HHATL: variants seen among roughly 807,000 people sequenced by gnomAD.
HHATL encodes the protein hedgehog acyltransferase like.
A neutral mutation model predicts 59.7 loss-of-function variants in HHATL; 49 were observed. That is an observed-to-expected ratio of 0.82 (90% CI 0.65 to 1.04). The LOEUF is 1.04. HHATL is among the 50% of genes least tolerant of loss of function. The pLI is 0.00. For missense variants in HHATL, 605 were observed against 650.8 expected, an observed-to-expected ratio of 0.93 and a Z score of 0.77; for synonymous variants, 238 against 257.3, an observed-to-expected ratio of 0.93 and a Z score of 0.72.
intron 9 of HHATL, among the ~76,000 whole-genome samples, chr3:42,696,105 C>T (rs1465394522): frequency 6.6e-6 from 1 of 152,182 alleles, no homozygotes; most frequent in East Asian, 1.9e-4. Context: ...CAGCACTAAT[C>T]CTCGGTCTCC....
intron 11 of HHATL, 78 bp downstream of exon 11, chr3:42,692,999 T>C (rs1697418849): frequency 3.8e-6 from 6 of 1,594,638 alleles, no homozygotes; most frequent in East Asian, 2.2e-5. Flanking sequence ...ATGAGGGAGA[T>C]AGGAGGCATT....
intron 9 of HHATL, among the ~76,000 whole-genome samples, chr3:42,696,639 A>G (rs1466555731): frequency 6.6e-6 from 1 of 151,822 alleles, no homozygotes; most frequent in Non-Finnish European, 1.5e-5. Context: ...CCCTCCTCCC[A>G]CCACCTCTCT....
chr3:42,702,259 T>C (rs57373619), intron 1 of HHATL, among the ~76,000 whole-genome samples: 1,754 of 152,282 alleles, frequency 0.012, 37 homozygotes, highest in African/African-American at 0.04. Context: ...AACCGGAGCA[T>C]GGTGAAGAGC....
intron 2 of HHATL, 102 bp downstream of exon 2, chr3:42,700,619 C>A: frequency 1.4e-6 from 1 of 697,880 alleles, no homozygotes; most frequent in Non-Finnish European, 2.5e-6. Context: ...GAAGGAGTAC[C>A]CTAGGTCTGG....
rs1214210937 is a variant in HHATL, at chr3:42,701,576, G to A, written c.-13-737C>T. 6.8e-6 allele frequency: 1 copy of A among 146,874 alleles called. No individual in the cohort carries two copies. Among genetic ancestry groups the A allele is most frequent in the African/African-American group, 2.5e-5 (1 of 39,980 alleles). The allele number at this position is 146,874 out of a possible 1,614,324, so 9.1% of individuals were successfully genotyped here. A position where few individuals can be genotyped will look rare whatever the true frequency, so the allele number is the denominator to read the frequency against. ...GGAGGTGCCCAGGAGTAGCGGATGT[G>A]GGGCCAGGCGGGGCCAGGCGGGGCC... On this transcript the variant is annotated intron_variant, in intron 1 of 11. Coordinates refer to ENST00000441594, the MANE Select transcript of HHATL (RefSeq NM_020707.4). The surrounding 1 kb of genome is among the most constrained non-coding windows in gnomAD (Gnocchi z 5.1).
In HHATL at chr3:42,701,126, T is replaced by C; in HGVS notation, c.-13-287A>G. On this transcript the variant is annotated intron_variant, in intron 1 of 11. Coordinates refer to ENST00000441594, the MANE Select transcript of HHATL (RefSeq NM_020707.4). This position sits in a 1 kb window ranked among gnomAD's most constrained non-coding sequence, Gnocchi z 5.1. ...GCCTCCCTCACCTTCATTTACATCT[T>C]CATACCTTCCAGAGGCACCGGCCCC... is the stretch of plus-strand genomic sequence containing the variant. 2.5e-6 allele frequency: 1 copy of C among 396,732 alleles called. No individual in the cohort carries two copies. Among genetic ancestry groups the C allele is most frequent in the Non-Finnish European group, 4.6e-6 (1 of 215,484 alleles). 24.6% of individuals were successfully genotyped at this position (396,732 alleles called of 1,614,324 possible).
chr3:42,702,410 C>A (rs1321948561), intron 1 of HHATL, among the ~76,000 whole-genome samples, 169 bp downstream of exon 1: 1 of 152,254 alleles, frequency 6.6e-6, no homozygotes, highest in African/African-American at 2.4e-5. Context: ...ACCCCCAGAC[C>A]AGGGCTGGCC....
chr3:42,698,230 T>G lies in HHATL; in HGVS notation c.605A>C (p.Tyr202Ser). 1.2e-6 allele frequency: 2 copies of G among 1,613,788 alleles called. No homozygotes were observed. Among genetic ancestry groups the G allele is most frequent in the Middle Eastern group, 1.7e-4 (1 of 6,060 alleles). Residue 202 changes from tyrosine (Y) to serine (S), a missense_variant, in exon 6 of 12, where the codon TAC becomes TCC. Transcript: ENST00000441594. ...GTACTTGAGCAGGTCAGCTAAGGAG[T>G]AGTGGCGGTCAGGGTGGGCACAGCT... is the stretch of plus-strand genomic sequence containing the variant. ...LESCAHPDRH[Y>S]SLADLLKYNF... is the part of the protein sequence containing the mutation.
chr3:42,699,131 G>A lies in HHATL; in HGVS notation c.189C>T (p.Phe63=), dbSNP rs373193288. 1.1e-5 allele frequency: 17 copies of A among 1,613,770 alleles called. No individual in the cohort carries two copies. Among genetic ancestry groups the A allele is most frequent in the Admixed American group, 1.7e-5 (1 of 59,996 alleles). Residue 63 remains phenylalanine (F), a synonymous_variant, in exon 4 of 12, where the codon TTC becomes TTT. Transcript: ENST00000441594. ...YIGRKMDVAD[F]EWVMWFTSFR... ...AGGAGGTGAACCACATCACCCACTCGAAGTCAGCCACATCCTGGGGCAGTC... is the reference window on the plus strand; with the variant it reads ...AGGAGGTGAACCACATCACCCACTCAAAGTCAGCCACATCCTGGGGCAGTC...
At chr3:42,698,006 G>C in intron 6 of HHATL, 136 bp downstream of exon 6, 1 of 938,868 alleles carries the variant, frequency 1.1e-6, no homozygotes, top group Middle Eastern at 3.1e-4. Flanking sequence ...GGAGGGAGGG[G>C]AGACACGGCT....
chr3:42,699,295 T>C (rs1438830376), intron 3 of HHATL, 150 bp from the exon 4 acceptor site: 4 of 430,094 alleles, frequency 9.3e-6, no homozygotes, highest in South Asian at 1.5e-4. Flanking sequence ...TTAATAATAA[T>C]AATTATTTTT....
intron 1 of HHATL, 154 bp from the exon 2 acceptor site, chr3:42,700,993 C>T (rs1247588726): frequency 1.2e-5 from 7 of 603,816 alleles, no homozygotes; most frequent in Non-Finnish European, 2.1e-5. Flanking sequence ...GCCCCTGTGC[C>T]CCCCACAGTT....
At chr3:42,693,963 C>G (rs983740986) in intron 9 of HHATL, 145 bp from the exon 10 acceptor site, 16 of 649,956 alleles carry the variant, frequency 2.5e-5, no homozygotes, top group Middle Eastern at 8.4e-4. Context: ...AGCTCCTCCT[C>G]CAACCAACTT....
At position 42,697,593 on chromosome 3, in the gene HHATL, G is replaced by A. The variant is rs776383535; in HGVS notation, c.780C>T (p.Ala260=). The A allele has an allele frequency of 1.2e-5, 20 of 1,614,184 alleles. No individual in the cohort carries two copies. In the Admixed American group the frequency reaches 1.8e-4, roughly 15 times the overall value. The part of the protein sequence containing the change: ...QAGLSVVAIM[A]VDIFFHFFYI... ...AGAAGAAGTGAAAGAAGATGTCGAC[G>A]GCCATGATGGCCACCACGCTTAGGC... Residue 260 remains alanine, a synonymous_variant, in exon 7 of 12, where the codon GCC becomes GCT. Coordinates refer to ENST00000441594, the MANE Select transcript of HHATL (RefSeq NM_020707.4).
intron 3 of HHATL, 61 bp from the exon 4 acceptor site, chr3:42,699,206 A>G (rs1697820043): frequency 1.7e-6 from 2 of 1,179,540 alleles, no homozygotes; most frequent in Non-Finnish European, 2.5e-6. Flanking sequence ...GGACAGGACG[A>G]GCTGGAACCT....
chr3:42,696,771 C>A, intron 9 of HHATL, 71 bp downstream of exon 9: 1 of 1,526,194 alleles, frequency 6.6e-7, no homozygotes, highest in Non-Finnish European at 9.0e-7. Flanking sequence ...AAATGTGGAC[C>A]CATCTTGGCA....
chr3:42,697,470 G>C (rs1697681188), intron 7 of HHATL, 38 bp downstream of exon 7: 1 of 1,591,896 alleles, frequency 6.3e-7, no homozygotes, highest in South Asian at 1.1e-5. Context: ...TTTTCCTGGG[G>C]CGGCAGCCCT....
chr3:42,697,564 A>G lies in HHATL; in HGVS notation c.809T>C (p.Ile270Thr). ...AVDIFFHFFYILTIPSDLKFA... is the reference protein window; with the variant it reads ...AVDIFFHFFYTLTIPSDLKFA... ...CTTGAGGTCGCTGGGGATAGTGAGG[A>G]TGTAGAAGAAGTGAAAGAAGATGTC... The change falls in exon 7 of 12, where the codon ATC (isoleucine) becomes ACC (threonine). Residue 270 changes from isoleucine (I) to threonine (T), a missense_variant. Physicochemically the swap from Ile to Thr is moderately conservative, Grantham distance 89. Coordinates refer to ENST00000441594, the MANE Select transcript of HHATL (RefSeq NM_020707.4). 6.2e-7 allele frequency: 1 copy of G among 1,614,028 alleles called. No homozygotes were observed. Among genetic ancestry groups the G allele is most frequent in the East Asian group, 2.2e-5 (1 of 44,862 alleles).
At chr3:42,692,954 G>T (rs922416250) in intron 11 of HHATL, 79 bp from the exon 12 acceptor site, 1 of 1,576,628 alleles carries the variant, frequency 6.3e-7, no homozygotes, top group Non-Finnish European at 8.7e-7. Flanking sequence ...CCCTCTCCCC[G>T]CTTGATGGGC....
Sources: gnomAD v4.1 joint callset for allele counts (sites outside exome capture counted in the v4.1 genomes callset) on GRCh38, gnomAD v4.1.1 for gene constraint, Gnocchi (gnomAD v3.1) non-coding constraint, MANE v1.5 for transcripts, NCBI Gene and HGNC (gene_info 2026-07-23, HGNC 2026-07-21) for gene names.